The following TMPRSS11D variants were observed in gnomAD, a reference collection of about 807,000 sequenced individuals.
The protein encoded by TMPRSS11D is transmembrane protease serine 11D.
TMPRSS11D carries 32 observed loss-of-function variants against 44.4 expected under a neutral mutation model. That is an observed-to-expected ratio of 0.72 (90% confidence interval 0.54 to 0.97). TMPRSS11D has a LOEUF of 0.97. Among genes scored for constraint, TMPRSS11D ranks in the 50% least tolerant of loss-of-function variants. The pLI, the probability that TMPRSS11D is intolerant of heterozygous loss-of-function variation, is 0.00. For missense variants in TMPRSS11D, 446 were observed against 502.6 expected, an observed-to-expected ratio of 0.89 and a Z score of 1.08; for synonymous variants, 179 against 177.9, an observed-to-expected ratio of 1.01 and a Z score of -0.05.
At position 67,825,869 on chromosome 4, in the gene TMPRSS11D, T is replaced by C. The variant is rs749828147; in HGVS notation, c.958A>G (p.Thr320Ala). Residue 320 changes from threonine (T) to alanine (A), a missense_variant, in exon 9 of 10, where the codon ACA becomes GCA. Transcript: ENST00000283916. ...TGTCCTTGCCTTAGCTCTGGAACTG[T>C]GTGGCCTGTTTGTTATAAAAGCAGG... Reference protein sequence around the residue: ...GWGAQEYAGHTVPELRQGQVR... With the variant: ...GWGAQEYAGHAVPELRQGQVR... 1 of 1,608,986 alleles carries C rather than the reference T, an allele frequency of 6.2e-7. No individual in the cohort carries two copies. Among genetic ancestry groups the C allele is most frequent in the South Asian group, 1.1e-5 (1 of 90,194 alleles).
At chr4:67,856,869 G>A (rs1718648809) in intron 2 of TMPRSS11D, among the ~76,000 whole-genome samples, 1 of 151,922 alleles carries the variant, frequency 6.6e-6, no homozygotes, top group African/African-American at 2.4e-5. Context: ...ATCATCAACA[G>A]GTACATGAAA....
intron 7 of TMPRSS11D, among the ~76,000 whole-genome samples, chr4:67,832,531 A>T (rs2109663385): frequency 6.6e-6 from 1 of 152,034 alleles, no homozygotes; most frequent in Non-Finnish European, 1.5e-5. Context: ...TCAATTAAGA[A>T]TTCTTGTAAG....
chr4:67,844,865 C>A (rs1905986), intron 3 of TMPRSS11D, among the ~76,000 whole-genome samples: 104,586 of 152,100 alleles, frequency 0.69, 39,416 homozygotes, highest in Middle Eastern at 0.83. Flanking sequence ...GATAAAGTAA[C>A]TTCTAGTAAT....
intron 2 of TMPRSS11D, among the ~76,000 whole-genome samples, chr4:67,858,046 C>A (rs1421604927): frequency 3.9e-5 from 6 of 152,116 alleles, no homozygotes; most frequent in Non-Finnish European, 1.5e-5. Context: ...TTCCAGAGGA[C>A]CTATTCAGCT....
At position 67,883,946 on chromosome 4, in the gene TMPRSS11D, T is replaced by C. The variant is rs753748652; in HGVS notation, c.-13A>G. On this transcript the variant is annotated 5_prime_UTR_variant, in exon 1 of 10. Coordinates refer to ENST00000283916, the MANE Select transcript of TMPRSS11D (RefSeq NM_004262.3). ...CTTACCTATACATTTTAATCCTTAA[T>C]GAAGAGGTTCTTTTTTCTGCCTACT... The C allele has an allele frequency of 3.1e-6, 5 of 1,601,924 alleles. No individual in the cohort carries two copies. In the East Asian group the frequency reaches 9.1e-5, roughly 29 times the overall value.
At position 67,838,220 on chromosome 4, in the gene TMPRSS11D, G is replaced by A. The variant is rs370310541; in HGVS notation, c.427C>T (p.Leu143=). The A allele has an allele frequency of 1.3e-5, 20 of 1,593,812 alleles. No individual in the cohort carries two copies. Among genetic ancestry groups the A allele is most frequent in the Non-Finnish European group, 1.6e-5 (19 of 1,171,826 alleles). ...SRIESVLRQM[L]NNSGNLEINP... ...ATTTCCAGGTTTCCAGAGTTATTCA[G>A]CATTTGTCGTAAAACAGACTCAATT... Residue 143 remains leucine (L), a synonymous_variant, in exon 5 of 10, where the codon CTG becomes TTG. Transcript: ENST00000283916.
chr4:67,864,077 A>T (rs1718858448), intron 1 of TMPRSS11D, among the ~76,000 whole-genome samples: 1 of 151,600 alleles, frequency 6.6e-6, no homozygotes, highest in African/African-American at 2.4e-5. Flanking sequence ...AGAGAAAAAT[A>T]AATTTTTAAT....
intron 8 of TMPRSS11D, among the ~76,000 whole-genome samples, chr4:67,826,602 T>C (rs1372091470): frequency 6.6e-6 from 1 of 152,084 alleles, no homozygotes; most frequent in Admixed American, 6.6e-5. Flanking sequence ...TATCCCAGAA[T>C]ACTTTAAAGG....
intron 2 of TMPRSS11D, among the ~76,000 whole-genome samples, chr4:67,857,322 TAC>T (rs140893348): frequency 0.12 from 391 of 3,298 alleles, 5 homozygotes; most frequent in African/African-American, 0.15. Flanking sequence ...TATATATATA[TAC>T]ACACACACAC....
chr4:67,854,017 A>T (rs3213909), intron 3 of TMPRSS11D, 51 bp downstream of exon 3: 6 of 1,096,522 alleles, frequency 5.5e-6, no homozygotes, highest in Non-Finnish European at 7.9e-6. Context: ...TAGGTTTATT[A>T]TCATATTCAT....
chr4:67,866,874 G>A (rs914821654), intron 1 of TMPRSS11D, among the ~76,000 whole-genome samples: 10 of 151,916 alleles, frequency 6.6e-5, no homozygotes, highest in Non-Finnish European at 1.3e-4. Flanking sequence ...TCATGCATCG[G>A]AAGAATCAAT....
At chr4:67,851,013 A>C (rs1445199848) in intron 3 of TMPRSS11D, among the ~76,000 whole-genome samples, 1 of 152,166 alleles carries the variant, frequency 6.6e-6, no homozygotes, top group Non-Finnish European at 1.5e-5. Context: ...GGAGGAAATC[A>C]AACCAGGCCT....
At chr4:67,859,843 G>A (rs758597725) in intron 1 of TMPRSS11D, among the ~76,000 whole-genome samples, 165 bp from the exon 2 acceptor site, 3 of 152,062 alleles carry the variant, frequency 2.0e-5, no homozygotes, top group Non-Finnish European at 2.9e-5. Flanking sequence ...AAGGCTGTCC[G>A]TAGTGGTTTT....
chr4:67,861,345 C>A (rs375198101), intron 1 of TMPRSS11D, among the ~76,000 whole-genome samples: 10 of 151,994 alleles, frequency 6.6e-5, no homozygotes, highest in African/African-American at 2.4e-4. Flanking sequence ...GGTTATTGTG[C>A]CTGTTACATG....
At chr4:67,869,540 T>G (rs1225138204) in intron 1 of TMPRSS11D, among the ~76,000 whole-genome samples, 2 of 152,114 alleles carry the variant, frequency 1.3e-5, no homozygotes. Flanking sequence ...TTACCATAAG[T>G]GAAATAATTT....
At chr4:67,858,180 T>C (rs1457806747) in intron 2 of TMPRSS11D, among the ~76,000 whole-genome samples, 2 of 152,182 alleles carry the variant, frequency 1.3e-5, no homozygotes, top group East Asian at 1.9e-4. Flanking sequence ...ATCGTTCATA[T>C]GCATTACTTA....
chr4:67,827,959 A>G (rs1717845115), intron 7 of TMPRSS11D, among the ~76,000 whole-genome samples: 3 of 151,956 alleles, frequency 2.0e-5, no homozygotes, highest in Non-Finnish European at 4.4e-5. Context: ...AATAGTAGTG[A>G]TGATAAGGGG....
intron 9 of TMPRSS11D, among the ~76,000 whole-genome samples, 191 bp downstream of exon 9, chr4:67,825,541 A>C (rs919333181): frequency 8.5e-5 from 13 of 152,272 alleles, no homozygotes; most frequent in African/African-American, 3.1e-4. Flanking sequence ...TTGGCCTCTC[A>C]GAGTTAATGC....
intron 1 of TMPRSS11D, among the ~76,000 whole-genome samples, chr4:67,879,233 A>G (rs1719263324): frequency 6.6e-6 from 1 of 151,544 alleles, no homozygotes; most frequent in African/African-American, 2.4e-5. Context: ...TGTAATCCCA[A>G]CACTTTGGGA....
Sources: gnomAD v4.1 joint callset for allele counts (sites outside exome capture counted in the v4.1 genomes callset) on GRCh38, gnomAD v4.1.1 for gene constraint, MANE v1.5 for transcripts, NCBI Gene and HGNC (gene_info 2026-07-23, HGNC 2026-07-21) for gene names.